PKNOX2: variants seen among roughly 807,000 people sequenced by gnomAD.
The protein encoded by PKNOX2 is PBX/knotted 1 homeobox 2.
PKNOX2 carries 14 observed loss-of-function variants against 53.1 expected under a neutral mutation model. The ratio of observed to expected loss-of-function variants is 0.26; its 90% CI spans 0.17 to 0.41. PKNOX2 has a LOEUF of 0.41. Among genes scored for constraint, PKNOX2 ranks in the 10% least tolerant of loss-of-function variants. PKNOX2 has a pLI of 1.00. For missense variants in PKNOX2, 496 were observed against 602.8 expected, an observed-to-expected ratio of 0.82 and a Z score of 1.85; for synonymous variants, 257 against 242.8, an observed-to-expected ratio of 1.06 and a Z score of -0.54.
At chr11:125,339,883 A>G (rs982151457) in intron 3 of PKNOX2, among the ~76,000 whole-genome samples, 8 of 152,072 alleles carry the variant, frequency 5.3e-5, no homozygotes, top group Non-Finnish European at 1.2e-4. Context: ...GTGTTCTTTA[A>G]TTTTGTTCCT....
chr11:125,261,771 C>T (rs941501617), intron 2 of PKNOX2, among the ~76,000 whole-genome samples: 1 of 152,224 alleles, frequency 6.6e-6, no homozygotes, highest in Non-Finnish European at 1.5e-5. Flanking sequence ...CAATGCCGCT[C>T]TTTCCGATCT....
intron 1 of PKNOX2, among the ~76,000 whole-genome samples, chr11:125,209,289 G>A (rs1483740230): frequency 3.3e-5 from 5 of 151,940 alleles, no homozygotes; most frequent in Admixed American, 2.0e-4. Context: ...CTGTATGCTG[G>A]GCCAGTGTTC....
chr11:125,280,192 G>A (rs184004649), intron 2 of PKNOX2, among the ~76,000 whole-genome samples: 3 of 151,760 alleles, frequency 2.0e-5, no homozygotes, highest in Non-Finnish European at 4.4e-5. Flanking sequence ...ACCTCAGTCG[G>A]GGCTGAGAAA....
intron 2 of PKNOX2, among the ~76,000 whole-genome samples, chr11:125,310,106 T>G (rs373672460): frequency 1.3e-5 from 2 of 152,222 alleles, no homozygotes; most frequent in Non-Finnish European, 2.9e-5. Flanking sequence ...AGGAATTCTA[T>G]GTGTGTGTTT....
At chr11:125,363,694 A>G (rs2248923) in intron 4 of PKNOX2, among the ~76,000 whole-genome samples, 16,828 of 152,222 alleles carry the variant, frequency 0.11, 1,321 homozygotes, top group Middle Eastern at 0.19. Context: ...TGGAGTGGCC[A>G]GTTCTGAGAC....
At chr11:125,230,902 G>A (rs1400329411) in intron 1 of PKNOX2, among the ~76,000 whole-genome samples, 2 of 152,128 alleles carry the variant, frequency 1.3e-5, no homozygotes, top group African/African-American at 4.8e-5. Flanking sequence ...ATGGGCCCTG[G>A]CTTAAACCTG....
intron 4 of PKNOX2, among the ~76,000 whole-genome samples, chr11:125,355,277 GAA>G (rs61437536): frequency 0.024 from 2,606 of 109,188 alleles, 67 homozygotes; most frequent in African/African-American, 0.064. Context: ...AAAAAAAAAA[GAA>G]AAAAAAAAAA....
intron 1 of PKNOX2, among the ~76,000 whole-genome samples, chr11:125,214,497 G>A (rs1342584793): frequency 1.3e-5 from 2 of 151,988 alleles, no homozygotes; most frequent in East Asian, 3.9e-4. Context: ...GAGGATAGCT[G>A]ATCCTGAAAA....
chr11:125,376,338 A>G (rs576532234), intron 5 of PKNOX2, among the ~76,000 whole-genome samples: 13 of 152,296 alleles, frequency 8.5e-5, no homozygotes, highest in African/African-American at 2.6e-4. Flanking sequence ...TCAACGTCAC[A>G]CCTGAAGTAA....
intron 3 of PKNOX2, among the ~76,000 whole-genome samples, chr11:125,348,508 C>A (rs1169575722): frequency 6.6e-6 from 1 of 152,232 alleles, no homozygotes; most frequent in African/African-American, 2.4e-5. Context: ...GAATATTGTT[C>A]CTGTGTCTTC....
chr11:125,371,334 C>T (rs1358802285), intron 5 of PKNOX2, among the ~76,000 whole-genome samples: 2 of 152,100 alleles, frequency 1.3e-5, no homozygotes, highest in Non-Finnish European at 2.9e-5. Context: ...GGTTTGGACC[C>T]AGCTCAGTTC....
intron 1 of PKNOX2, among the ~76,000 whole-genome samples, chr11:125,209,082 G>C (rs1442392340): frequency 6.6e-6 from 1 of 152,014 alleles, no homozygotes; most frequent in Non-Finnish European, 1.5e-5. Flanking sequence ...TAATTCCAGA[G>C]GGCTAAGAAA....
At chr11:125,341,853 T>C (rs1342329720) in intron 3 of PKNOX2, among the ~76,000 whole-genome samples, 1 of 152,278 alleles carries the variant, frequency 6.6e-6, no homozygotes, top group African/African-American at 2.4e-5. Flanking sequence ...GCATCATGGC[T>C]GTCATCTTCC....
At chr11:125,429,937 C>CTTT in intron 11 of PKNOX2, 26 bp from the exon 12 acceptor site, 1 of 1,607,972 alleles carries the variant, frequency 6.2e-7, no homozygotes, top group Non-Finnish European at 8.5e-7. Context: ...GATGACTAAC[C>CTTT]AGGTCTCCAC....
intron 2 of PKNOX2, among the ~76,000 whole-genome samples, chr11:125,255,305 G>A (rs567845140): frequency 6.0e-4 from 91 of 152,288 alleles, no homozygotes; most frequent in Middle Eastern, 3.4e-3. Flanking sequence ...GCATTTCCGT[G>A]ATGCCTCAAG....
At chr11:125,343,357 G>C (rs1391614220) in intron 3 of PKNOX2, among the ~76,000 whole-genome samples, 2 of 152,134 alleles carry the variant, frequency 1.3e-5, no homozygotes, top group Admixed American at 6.5e-5. Context: ...CAGAATGCAA[G>C]GGCTGTGCTC....
rs776327891 is a variant in PKNOX2 at position 125,189,413 on chromosome 11, ATGTGTG to A, written c.-201+24667_-201+24672del. Among the ~76,000 whole-genome samples the A allele has an allele frequency of 4.1e-3, 269 of 65,080 alleles. 8 individuals are homozygous for A. Among genetic ancestry groups the A allele is most frequent in the African/African-American group, 0.011 (202 of 18,190 alleles). 42.7% of individuals were successfully genotyped at this position (65,080 alleles called of 152,430 possible). On this transcript the variant is annotated intron_variant, in intron 1 of 12. Transcript: ENST00000298282. ...TATATATATATGTGTGTATATATAT[ATGTGTG>A]TGTGTGTGTGTGTGTGTGTGTGTGT... is the stretch of plus-strand genomic sequence containing the variant.
chr11:125,399,951 T>TAA (rs1414079283), intron 7 of PKNOX2, among the ~76,000 whole-genome samples: 3 of 152,212 alleles, frequency 2.0e-5, no homozygotes, highest in Non-Finnish European at 4.4e-5. Context: ...TCTGGATGGT[T>TAA]AAGTTCTCAG....
chr11:125,328,347 AAG>A (rs1314118903), intron 2 of PKNOX2, among the ~76,000 whole-genome samples: 4 of 148,696 alleles, frequency 2.7e-5, no homozygotes, highest in Non-Finnish European at 5.9e-5. Context: ...GAGAGAGAGA[AAG>A]AGAGAGAGTG....
Sources: gnomAD v4.1 joint callset for allele counts (sites outside exome capture counted in the v4.1 genomes callset) on GRCh38, gnomAD v4.1.1 for gene constraint, MANE v1.5 for transcripts, NCBI Gene and HGNC (gene_info 2026-07-23, HGNC 2026-07-21) for gene names.